Variants in SPAG9 observed in about 807,000 individuals in gnomAD.
The protein encoded by SPAG9 is C-Jun-amino-terminal kinase-interacting protein 4.
SPAG9 carries 35 observed loss-of-function variants against 166.5 expected under a neutral mutation model. The ratio of observed to expected loss-of-function variants is 0.21; its 90% CI spans 0.16 to 0.28. The LOEUF (loss-of-function observed/expected upper bound fraction) is 0.28, where lower values mean the gene tolerates loss of function less well. SPAG9 is among the 10% of genes least tolerant of loss of function. The pLI is 1.00. For synonymous variants in SPAG9, 534 were observed against 565.5 expected (o/e 0.94, Z 0.79); for missense variants, 1,235 against 1,603.3 (o/e 0.77, Z 3.92).
chr17:50,981,431 T>C (rs926149314), intron 25 of SPAG9, among the ~76,000 whole-genome samples: 10 of 151,530 alleles, frequency 6.6e-5, no homozygotes, highest in African/African-American at 2.2e-4. Flanking sequence ...GATGGATGGA[T>C]AGACAGCCAG....
chr17:51,057,659 G>A (rs1213468185), intron 2 of SPAG9, among the ~76,000 whole-genome samples: 1 of 152,144 alleles, frequency 6.6e-6, no homozygotes, highest in Non-Finnish European at 1.5e-5. Context: ...ATGTGATTAG[G>A]AAAACTGTAG....
At chr17:51,001,022 CTG>C (rs1200663330) in intron 13 of SPAG9, among the ~76,000 whole-genome samples, 2 of 152,056 alleles carry the variant, frequency 1.3e-5, no homozygotes, top group Non-Finnish European at 2.9e-5. Context: ...GGTACATAAA[CTG>C]TGAAATAAAT....
chr17:51,054,265 G>A (rs943018977), intron 3 of SPAG9, among the ~76,000 whole-genome samples: 2 of 150,616 alleles, frequency 1.3e-5, no homozygotes, highest in South Asian at 2.1e-4. Context: ...TAAAGGTGCA[G>A]GCCACCATGC....
Position 50,962,364 on chromosome 17 carries a change from G to A in SPAG9, c.*3908C>T, listed in dbSNP as rs1167060239. 2.0e-5 allele frequency: 3 copies of A among 152,126 alleles called. No homozygotes were observed. Among genetic ancestry groups the A allele is most frequent in the Non-Finnish European group, 2.9e-5 (2 of 68,022 alleles). The allele number at this position is 152,126 out of a possible 1,614,324, so 9.4% of individuals were successfully genotyped here. On this transcript the variant is annotated 3_prime_UTR_variant, in exon 30 of 30. Coordinates refer to ENST00000262013, the MANE Select transcript of SPAG9 (RefSeq NM_001130528.3). Reference sequence around the variant, plus strand: ...AGAACCCATTTTTCAGATTATAGAGGCAAGTAAAATTCTGATAGAATGTCT... The same window carrying A: ...AGAACCCATTTTTCAGATTATAGAGACAAGTAAAATTCTGATAGAATGTCT...
intron 1 of SPAG9, among the ~76,000 whole-genome samples, chr17:51,108,114 C>G (rs904531831): frequency 6.6e-6 from 1 of 150,622 alleles, no homozygotes; most frequent in South Asian, 2.1e-4. Flanking sequence ...GGCCATGGGG[C>G]GGTGGCTGGT....
At chr17:51,088,031 G>A (rs773563562) in intron 1 of SPAG9, among the ~76,000 whole-genome samples, 17 of 152,098 alleles carry the variant, frequency 1.1e-4, no homozygotes, top group East Asian at 1.9e-4. Flanking sequence ...AGGCATGAGC[G>A]ACCATGCCTG....
intron 5 of SPAG9, among the ~76,000 whole-genome samples, 193 bp downstream of exon 5, chr17:51,041,308 A>G (rs927497478): frequency 6.6e-6 from 1 of 152,124 alleles, no homozygotes; most frequent in Non-Finnish European, 1.5e-5. Context: ...TTTTTTTCCT[A>G]TATAATTTGA....
chr17:51,105,743 G>C (rs561042987), intron 1 of SPAG9, among the ~76,000 whole-genome samples: 4 of 151,736 alleles, frequency 2.6e-5, no homozygotes, highest in Non-Finnish European at 5.9e-5. Context: ...GGTGGCGGGC[G>C]CCTGTAGTCC....
At chr17:51,038,039 T>C (rs1452786296) in intron 5 of SPAG9, among the ~76,000 whole-genome samples, 1 of 152,140 alleles carries the variant, frequency 6.6e-6, no homozygotes, top group East Asian at 1.9e-4. Flanking sequence ...TTGAGGACAA[T>C]CAACAGGGTG....
intron 10 of SPAG9, 28 bp from the exon 11 acceptor site, chr17:51,006,265 A>G (rs776960477): frequency 1.9e-6 from 3 of 1,603,340 alleles, no homozygotes; most frequent in Admixed American, 1.7e-5. Flanking sequence ...CAAGTGCATC[A>G]TTACAAATAA....
At chr17:51,028,704 T>A (rs2046282362) in intron 6 of SPAG9, among the ~76,000 whole-genome samples, 1 of 152,224 alleles carries the variant, frequency 6.6e-6, no homozygotes, top group African/African-American at 2.4e-5. Context: ...GACACATGAC[T>A]ATGTATGCAA....
chr17:51,035,482 T>C (rs148441521), intron 5 of SPAG9, among the ~76,000 whole-genome samples: 1 of 152,372 alleles, frequency 6.6e-6, no homozygotes, highest in East Asian at 1.9e-4. Flanking sequence ...ATTCAACTAC[T>C]ATAGAGATTA....
chr17:51,092,096 T>C (rs1362889442), intron 1 of SPAG9, among the ~76,000 whole-genome samples: 1 of 151,978 alleles, frequency 6.6e-6, no homozygotes, highest in East Asian at 1.9e-4. Context: ...TTGACTATAG[T>C]ACTTGTCTAA....
chr17:51,028,970 C>T (rs2046290969), intron 6 of SPAG9, among the ~76,000 whole-genome samples: 1 of 152,146 alleles, frequency 6.6e-6, no homozygotes, highest in Non-Finnish European at 1.5e-5. Context: ...TTTTCAATGG[C>T]ATGAGTGGTG....
At chr17:51,033,378 AT>A (rs2046461107) in intron 5 of SPAG9, among the ~76,000 whole-genome samples, 1 of 152,122 alleles carries the variant, frequency 6.6e-6, no homozygotes, top group South Asian at 2.1e-4. Flanking sequence ...AAGATATTAT[AT>A]CTATGTGCAC....
chr17:51,105,159 T>C (rs929916114), intron 1 of SPAG9, among the ~76,000 whole-genome samples: 1 of 152,062 alleles, frequency 6.6e-6, no homozygotes, highest in African/African-American at 2.4e-5. Context: ...GGTTAAACAT[T>C]TTGTAATAAT....
At chr17:51,053,851 A>T (rs1365557081) in intron 3 of SPAG9, among the ~76,000 whole-genome samples, 109 of 65,410 alleles carry the variant, frequency 1.7e-3, no homozygotes, top group East Asian at 3.2e-3. Context: ...AAAAAAAAAA[A>T]AAAGTATATA....
At chr17:51,102,047 T>G (rs1228787622) in intron 1 of SPAG9, among the ~76,000 whole-genome samples, 1 of 152,138 alleles carries the variant, frequency 6.6e-6, no homozygotes, top group Non-Finnish European at 1.5e-5. Context: ...TTACTCACCA[T>G]TTTATCTGTT....
chr17:51,070,378 T>C (rs1470143556), intron 2 of SPAG9, among the ~76,000 whole-genome samples: 1 of 152,242 alleles, frequency 6.6e-6, no homozygotes, highest in Non-Finnish European at 1.5e-5. Flanking sequence ...TAACCCTTAC[T>C]TCTCCAATTC....
Sources: allele counts gnomAD v4.1 joint callset (sites outside exome capture counted in the v4.1 genomes callset), GRCh38; gene constraint gnomAD v4.1.1; transcripts MANE v1.5; gene names NCBI Gene and HGNC (gene_info 2026-07-23, HGNC 2026-07-21).